Variants in FSTL4 observed in about 807,000 individuals in gnomAD.
FSTL4 encodes the protein follistatin like 4, also known as follistatin-related protein 4.
Under a neutral mutation model 78.2 loss-of-function variants are expected in FSTL4, and 28 were observed. The observed-to-expected ratio is 0.36, with a 90% CI of 0.27 to 0.49. The LOEUF (loss-of-function observed/expected upper bound fraction) is 0.49, where lower values mean the gene tolerates loss of function less well. FSTL4 is among the 20% of genes least tolerant of loss of function. The probability of loss-of-function intolerance (pLI) is 0.98; values close to 1 mark genes in which losing one functional copy is unlikely to be tolerated. For synonymous variants in FSTL4, 422 were observed against 440.5 expected, an observed-to-expected ratio of 0.96 and a Z score of 0.53; for missense variants, 922 against 1,084.9, an observed-to-expected ratio of 0.85 and a Z score of 2.11.
intron 4 of FSTL4, among the ~76,000 whole-genome samples, chr5:133,362,776 C>CATAG (rs1285267733): frequency 6.6e-6 from 1 of 152,248 alleles, no homozygotes; most frequent in Non-Finnish European, 1.5e-5. Flanking sequence ...AACTCCTTCC[C>CATAG]ATAGTCTCAG....
intron 4 of FSTL4, among the ~76,000 whole-genome samples, chr5:133,358,598 T>C (rs528251154): frequency 1.6e-4 from 23 of 147,882 alleles, no homozygotes; most frequent in Admixed American, 7.3e-4. Flanking sequence ...TTTCTTTTTT[T>C]TTTTTTTTTT....
intron 3 of FSTL4, among the ~76,000 whole-genome samples, chr5:133,561,366 G>C (rs1020309005): frequency 6.6e-6 from 1 of 152,116 alleles, no homozygotes; most frequent in African/African-American, 2.4e-5. Flanking sequence ...ACGAGGCTGT[G>C]TGGACACCGA....
the FSTL4 span, among the ~76,000 whole-genome samples, chr5:133,841,645 A>C: frequency 6.6e-6 from 1 of 152,184 alleles, no homozygotes; most frequent in African/African-American, 2.4e-5. Context: ...TAAGGCTCAG[A>C]GGGGCAAGCC....
chr5:133,702,936 C>T, the FSTL4 span, among the ~76,000 whole-genome samples: 4 of 152,158 alleles, frequency 2.6e-5, no homozygotes, highest in African/African-American at 9.7e-5. Context: ...TACATGGGGA[C>T]AGAAGTGGAA....
chr5:133,752,845 G>T, the FSTL4 span, among the ~76,000 whole-genome samples: 12 of 152,138 alleles, frequency 7.9e-5, no homozygotes, highest in Middle Eastern at 3.4e-3. Context: ...GCCTGTTACT[G>T]GTCGACCAGC....
At chr5:133,340,824 TGTGG>T (rs1466682325) in intron 4 of FSTL4, among the ~76,000 whole-genome samples, 3 of 151,916 alleles carry the variant, frequency 2.0e-5, no homozygotes, top group African/African-American at 4.8e-5. Context: ...AAAATGAGGA[TGTGG>T]GTTTGCTCAG....
the FSTL4 span, among the ~76,000 whole-genome samples, chr5:133,768,511 G>A: frequency 6.6e-6 from 1 of 152,230 alleles, no homozygotes; most frequent in African/African-American, 2.4e-5. Flanking sequence ...AGGTGGAATA[G>A]CAAGAGGGAG....
chr5:133,757,619 C>A, the FSTL4 span, among the ~76,000 whole-genome samples: 5 of 152,174 alleles, frequency 3.3e-5, no homozygotes, highest in Admixed American at 6.6e-5. Flanking sequence ...ATGGAGCACT[C>A]GGCATGGTGG....
the FSTL4 span, among the ~76,000 whole-genome samples, chr5:133,823,422 T>C: frequency 6.6e-5 from 10 of 152,094 alleles, no homozygotes; most frequent in African/African-American, 2.4e-4. Flanking sequence ...CTCCAGGGGC[T>C]GGTTTGGGCC....
chr5:133,534,173 C>A (rs922268558), intron 3 of FSTL4, among the ~76,000 whole-genome samples: 9 of 150,304 alleles, frequency 6.0e-5, no homozygotes, highest in Non-Finnish European at 7.4e-5. Flanking sequence ...AAAAAAAAAA[C>A]CAAATAAGTA....
chr5:133,289,882 C>T (rs535929090), intron 6 of FSTL4, among the ~76,000 whole-genome samples: 37 of 152,296 alleles, frequency 2.4e-4, no homozygotes, highest in African/African-American at 5.3e-4. Flanking sequence ...GTTCACTTGA[C>T]GAGAAACAGA....
At chr5:133,647,930 T>G in the FSTL4 span, among the ~76,000 whole-genome samples, 1 of 152,126 alleles carries the variant, frequency 6.6e-6, no homozygotes, top group Non-Finnish European at 1.5e-5. Context: ...TGGATGCAGG[T>G]CTTTCCCGTG....
the FSTL4 span, among the ~76,000 whole-genome samples, chr5:133,711,104 A>G: frequency 6.6e-6 from 1 of 152,186 alleles, no homozygotes; most frequent in Non-Finnish European, 1.5e-5. Context: ...AGTACCAAAG[A>G]GCAGTACAAC....
intron 4 of FSTL4, among the ~76,000 whole-genome samples, chr5:133,378,414 T>G (rs1048683417): frequency 3.9e-5 from 6 of 152,188 alleles, no homozygotes; most frequent in African/African-American, 1.4e-4. Context: ...AAGGAAATGA[T>G]ATCAAATGAT....
intron 3 of FSTL4, among the ~76,000 whole-genome samples, chr5:133,453,631 G>A (rs972600183): frequency 6.6e-6 from 1 of 152,226 alleles, no homozygotes; most frequent in Non-Finnish European, 1.5e-5. Flanking sequence ...GGAAGAGAAG[G>A]AACAAGCCAC....
chr5:133,582,557 C>T (rs148318941), intron 2 of FSTL4, among the ~76,000 whole-genome samples: 1 of 152,120 alleles, frequency 6.6e-6, no homozygotes, highest in Admixed American at 6.5e-5. Context: ...GGGGAGGGGT[C>T]CACTAGTTCT....
rs564292723 is a variant in FSTL4, at chr5:133,379,358, C to T, written c.409+21380G>A. On this transcript the variant is annotated intron_variant, in intron 4 of 15. Transcript: ENST00000265342. ...TAATGAATAGAACAACTAGGAAGAT[C>T]AACAAGAAAATAAAAGACTGACAAA... 1.3e-4 allele frequency among the ~76,000 whole-genome samples: 19 copies of T among 151,930 alleles called. 1 individual carries two copies. The South Asian group carries it at 1.9e-3, about 15-fold the overall frequency.
In FSTL4 at chr5:133,316,541, T is replaced by G; in HGVS notation, c.521A>C (p.Gln174Pro). 2 of 1,614,180 alleles carry G rather than the reference T, an allele frequency of 1.2e-6. No homozygotes were observed. Among genetic ancestry groups the G allele is most frequent in the Non-Finnish European group, 1.7e-6 (2 of 1,180,004 alleles). ...EGDSRQDPAS[Q>P]KRLLVESLFR... ...CAGAGATTCCACCAGGAGGCGCTTC[T>G]GGGAGGCAGGGTCTTGTCTGCTGTC... Residue 174 changes from glutamine to proline, a missense_variant, in exon 5 of 16, where the codon CAG becomes CCG. By Grantham distance (76) the Gln-to-Pro change is moderately conservative. Coordinates refer to ENST00000265342, the MANE Select transcript of FSTL4 (RefSeq NM_015082.2).
intron 6 of FSTL4, among the ~76,000 whole-genome samples, chr5:133,305,702 A>C (rs1229388057): frequency 6.6e-6 from 1 of 152,130 alleles, no homozygotes; most frequent in Non-Finnish European, 1.5e-5. Context: ...CTTCCCCAAG[A>C]GTGAGCTCTG....
Sources: allele counts gnomAD v4.1 joint callset (sites outside exome capture counted in the v4.1 genomes callset), GRCh38; gene constraint gnomAD v4.1.1; transcripts MANE v1.5; gene names NCBI Gene and HGNC (gene_info 2026-07-23, HGNC 2026-07-21).